Variants in MAP3K20 observed in about 807,000 individuals in gnomAD.
The protein encoded by MAP3K20 is mitogen-activated protein kinase kinase kinase 20, also known as HCCS-4.
In MAP3K20, 40 loss-of-function variants were observed where a neutral mutation model predicts 85.7. That is an observed-to-expected ratio of 0.47 (90% CI 0.36 to 0.61). The LOEUF is 0.61. Among genes scored for constraint, MAP3K20 ranks in the 20% least tolerant of loss-of-function variants. MAP3K20 has a pLI of 0.00. For synonymous variants in MAP3K20, 325 were observed against 327.7 expected, an observed-to-expected ratio of 0.99 and a Z score of 0.09; for missense variants, 817 against 961.7, an observed-to-expected ratio of 0.85 and a Z score of 1.99.
chr2:173,233,456 T>C (rs908596666), intron 14 of MAP3K20, among the ~76,000 whole-genome samples: 3 of 152,220 alleles, frequency 2.0e-5, no homozygotes, highest in African/African-American at 7.2e-5. Flanking sequence ...GTTTTTGTTT[T>C]TTCAATTTAG....
chr2:173,266,518 C>G lies in MAP3K20; in HGVS notation c.2171C>G (p.Pro724Arg), dbSNP rs774265936. 4 of 1,613,846 alleles carry G rather than the reference C, an allele frequency of 2.5e-6. No homozygotes were observed. In the African/African-American group the frequency reaches 5.3e-5, roughly 22 times the overall value. Residue 724 changes from proline to arginine, a missense_variant, in exon 20 of 20, where the codon CCT (proline) becomes CGT (arginine). Physicochemically the swap from Pro to Arg is moderately radical, Grantham distance 103. Transcript: ENST00000375213. ...AGGGTTTCTCAGTCAGCACTCAATC[C>G]TCACCAGTCGCCTGACTTCAAGAGA... ...FYRVSQSALN[P>R]HQSPDFKRSP...
At position 173,164,614 on chromosome 2, in the gene MAP3K20, T is replaced by A. The variant is rs549917691; in HGVS notation, c.160-5191T>A. The stretch of plus-strand genomic sequence containing the variant: ...TAAAGACACAGAATCTTTTAAGGAG[T>A]CTATGGCAGCTCTCCAAAATTAAAT... On this transcript the variant is annotated intron_variant, in intron 2 of 19. Coordinates refer to ENST00000375213, the MANE Select transcript of MAP3K20 (RefSeq NM_016653.3). Among the ~76,000 whole-genome samples the A allele has an allele frequency of 5.3e-5, 8 of 152,192 alleles. No homozygotes were observed. In the East Asian group the frequency reaches 1.5e-3, roughly 29 times the overall value.
chr2:173,157,452 T>C (rs1689511971), intron 2 of MAP3K20, among the ~76,000 whole-genome samples: 1 of 152,108 alleles, frequency 6.6e-6, no homozygotes, highest in South Asian at 2.1e-4. Flanking sequence ...AGAATCCAAG[T>C]GTTCAAGACA....
At chr2:173,252,044 G>GT (rs1685052288) in intron 16 of MAP3K20, among the ~76,000 whole-genome samples, 1 of 152,162 alleles carries the variant, frequency 6.6e-6, no homozygotes, top group Non-Finnish European at 1.5e-5. Flanking sequence ...TTAAACTCTA[G>GT]TTTTTTGTGC....
intron 16 of MAP3K20, among the ~76,000 whole-genome samples, chr2:173,241,431 G>A (rs886097051): frequency 6.6e-6 from 1 of 152,038 alleles, no homozygotes; most frequent in South Asian, 2.1e-4. Context: ...TGGGCAACAC[G>A]GTGGAATCCC....
At chr2:173,135,106 A>G (rs924759581) in intron 2 of MAP3K20, among the ~76,000 whole-genome samples, 1 of 152,210 alleles carries the variant, frequency 6.6e-6, no homozygotes, top group Non-Finnish European at 1.5e-5. Flanking sequence ...AGCAAAGAGG[A>G]TGTATTACTA....
At chr2:173,222,055 T>TA in intron 11 of MAP3K20, 1 of 957,090 alleles carries the variant, frequency 1.0e-6, no homozygotes, top group Non-Finnish European at 1.2e-6. Context: ...ATTAAAAAAC[T>TA]AGCTGGCATG....
chr2:173,078,859 CAAT>C (rs755386750), intron 1 of MAP3K20, among the ~76,000 whole-genome samples: 1 of 152,104 alleles, frequency 6.6e-6, no homozygotes. Context: ...TGGTAGAAAA[CAAT>C]GATATGACTT....
intron 2 of MAP3K20, among the ~76,000 whole-genome samples, chr2:173,161,718 G>C (rs1366223819): frequency 3.9e-5 from 6 of 152,194 alleles, no homozygotes; most frequent in Non-Finnish European, 1.5e-5. Flanking sequence ...GTAGGTTGAA[G>C]TCCATCTAGA....
intron 16 of MAP3K20, among the ~76,000 whole-genome samples, chr2:173,243,917 C>T (rs1407505280): frequency 6.6e-6 from 1 of 152,150 alleles, no homozygotes; most frequent in African/African-American, 2.4e-5. Context: ...TGAGTCACTG[C>T]GCCCGGCCCA....
At chr2:173,229,654 T>G in intron 11 of MAP3K20, 35 bp from the exon 12 acceptor site, 2 of 1,429,430 alleles carry the variant, frequency 1.4e-6, no homozygotes, top group East Asian at 2.5e-5. Flanking sequence ...ATAATATTAC[T>G]TTTTTTTTTC....
intron 11 of MAP3K20, chr2:173,221,763 C>T: frequency 8.2e-7 from 1 of 1,218,422 alleles, no homozygotes; most frequent in Non-Finnish European, 1.0e-6. Flanking sequence ...AAATGTGGTG[C>T]CTGATTATAG....
At chr2:173,145,722 A>G (rs6754580) in intron 2 of MAP3K20, among the ~76,000 whole-genome samples, 4,106 of 152,272 alleles carry the variant, frequency 0.027, 187 homozygotes, top group African/African-American at 0.093. Flanking sequence ...TCAAAAATTA[A>G]ACACCTACCC....
intron 1 of MAP3K20, among the ~76,000 whole-genome samples, chr2:173,083,083 C>T (rs1044335223): frequency 3.9e-5 from 6 of 152,178 alleles, no homozygotes; most frequent in African/African-American, 1.4e-4. Context: ...CTTACCATTG[C>T]TCTAACTAGA....
In MAP3K20 at chr2:173,266,425, G is replaced by A; in HGVS notation, c.2078G>A (p.Arg693Lys). 2 of 1,614,094 alleles carry A rather than the reference G, an allele frequency of 1.2e-6. No homozygotes were observed. The highest frequency in any genetic ancestry group is 1.7e-6 in the Non-Finnish European group (2 of 1,180,014). The change falls in exon 20 of 20, where the codon AGA becomes AAA. Residue 693 changes from arginine to lysine, a missense_variant. Arg to Lys is a conservative substitution (Grantham distance 26). Coordinates refer to ENST00000375213, the MANE Select transcript of MAP3K20 (RefSeq NM_016653.3). ...RGSISLNSSPRGRYSGKSQHS... is the reference protein window; with the variant it reads ...RGSISLNSSPKGRYSGKSQHS... ...AGTATATCACTCAATTCTTCTCCTA[G>A]AGGAAGATACAGTGGAAAGAGTCAG...
Position 173,198,215 on chromosome 2 carries a change from T to A in MAP3K20, c.669+103T>A. 1 of 1,069,864 alleles carries A rather than the reference T, an allele frequency of 9.3e-7. No individual in the cohort carries two copies. The highest frequency in any genetic ancestry group is 1.4e-6 in the Non-Finnish European group (1 of 732,904). 66.3% of individuals were successfully genotyped at this position (1,069,864 alleles called of 1,614,324 possible). A position where few individuals can be genotyped will look rare whatever the true frequency, so the allele number is the denominator to read the frequency against. On this transcript the variant is annotated intron_variant, in intron 8 of 19. Transcript: ENST00000375213. This position sits in a 1 kb window ranked among gnomAD's most constrained non-coding sequence, Gnocchi z 5.8. ...TTCAAATTGAAAGTAAGTTCACGCT[T>A]ATGGAAAGATTAGCAGTAGGAGCTA...
chr2:173,208,397 T>TAAA (rs11446256), intron 9 of MAP3K20, among the ~76,000 whole-genome samples: 98 of 144,874 alleles, frequency 6.8e-4, no homozygotes, highest in Admixed American at 1.4e-3. Flanking sequence ...GACTCTGTCT[T>TAAA]AAAAAAAAAA....
At chr2:173,147,402 T>C (rs1347847904) in intron 2 of MAP3K20, among the ~76,000 whole-genome samples, 2 of 152,220 alleles carry the variant, frequency 1.3e-5, no homozygotes, top group Non-Finnish European at 2.9e-5. Flanking sequence ...ATGTAGATAA[T>C]AACTTCTTAC....
At chr2:173,102,174 G>T (rs1398141633) in intron 2 of MAP3K20, among the ~76,000 whole-genome samples, 1 of 152,140 alleles carries the variant, frequency 6.6e-6, no homozygotes, top group Non-Finnish European at 1.5e-5. Context: ...TAAATGAAAA[G>T]AATAATAAAC....
Sources: gnomAD v4.1 joint callset for allele counts (sites outside exome capture counted in the v4.1 genomes callset) on GRCh38, gnomAD v4.1.1 for gene constraint, Gnocchi (gnomAD v3.1) non-coding constraint, MANE v1.5 for transcripts, NCBI Gene and HGNC (gene_info 2026-07-23, HGNC 2026-07-21) for gene names.